EVL: variants seen among roughly 807,000 people sequenced by gnomAD.
EVL encodes Enah/Vasp-like, also known as ena/VASP-like protein.
In EVL, 21 loss-of-function variants were observed where a neutral mutation model predicts 59.6. The observed-to-expected ratio is 0.35, with a 90% CI of 0.25 to 0.51. EVL has a LOEUF of 0.51. Ranked by LOEUF, EVL falls within the 20% of genes least tolerant of loss-of-function variation. The pLI is 0.97. For synonymous variants in EVL, 198 were observed against 203.5 expected, an observed-to-expected ratio of 0.97 and a Z score of 0.23; for missense variants, 462 against 546.6, an observed-to-expected ratio of 0.85 and a Z score of 1.54.
chr14:100,014,419 A>G (rs1021764780), intron 1 of EVL, among the ~76,000 whole-genome samples: 8 of 152,242 alleles, frequency 5.3e-5, no homozygotes, highest in African/African-American at 1.7e-4. Context: ...TTCACTTAAC[A>G]TAATGACCTC....
intron 3 of EVL, among the ~76,000 whole-genome samples, chr14:100,102,670 G>C (rs1886296113): frequency 6.6e-6 from 1 of 152,168 alleles, no homozygotes; most frequent in South Asian, 2.1e-4. Flanking sequence ...CAGAGGGAGG[G>C]TTGGCGTTTT....
chr14:100,098,189 G>C (rs1885950769), intron 3 of EVL, among the ~76,000 whole-genome samples: 1 of 152,178 alleles, frequency 6.6e-6, no homozygotes, highest in Non-Finnish European at 1.5e-5. Context: ...TTAAATAAAG[G>C]TACGTGCAAG....
chr14:100,080,720 T>G (rs1298896638), intron 1 of EVL, among the ~76,000 whole-genome samples: 1 of 152,120 alleles, frequency 6.6e-6, no homozygotes, highest in African/African-American at 2.4e-5. Context: ...TACCTACAGC[T>G]CAGAGATGCC....
intron 1 of EVL, among the ~76,000 whole-genome samples, chr14:99,983,443 A>G (rs965136723): frequency 1.3e-5 from 2 of 152,134 alleles, no homozygotes; most frequent in African/African-American, 2.4e-5. Flanking sequence ...GAGACATGCC[A>G]TTTTATAGCT....
intron 13 of EVL, among the ~76,000 whole-genome samples, chr14:100,142,428 G>A (rs1052917028): frequency 6.6e-6 from 1 of 152,232 alleles, no homozygotes; most frequent in African/African-American, 2.4e-5. Flanking sequence ...CAGAGGAAAA[G>A]GGGGAGTGGG....
Position 100,083,521 on chromosome 14 carries a change from G to A in EVL, c.12-1166G>A, listed in dbSNP as rs544235215. 2.6e-5 allele frequency among the ~76,000 whole-genome samples: 4 copies of A among 152,226 alleles called. No homozygotes were observed. In the South Asian group the frequency reaches 8.3e-4, roughly 32 times the overall value. On this transcript the variant is annotated intron_variant, in intron 1 of 13. Coordinates refer to ENST00000392920, the MANE Select transcript of EVL (RefSeq NM_016337.3). ...CTAATATGCTAGAGAAGATGTTAAAGATTATTAGGTTTATGAAGAGCCAGT... is the reference window on the plus strand; with the variant it reads ...CTAATATGCTAGAGAAGATGTTAAAAATTATTAGGTTTATGAAGAGCCAGT...
intron 2 of EVL, among the ~76,000 whole-genome samples, chr14:100,094,928 C>T (rs1040193904): frequency 1.3e-5 from 2 of 151,708 alleles, no homozygotes; most frequent in Non-Finnish European, 2.9e-5. Flanking sequence ...ATAGTTCCAG[C>T]TACTCTGGAG....
chr14:99,982,077 G>T (rs2140171193), intron 1 of EVL, among the ~76,000 whole-genome samples: 1 of 152,248 alleles, frequency 6.6e-6, no homozygotes, highest in South Asian at 2.1e-4. Flanking sequence ...TATGAAAACA[G>T]AATGGTATGA....
At chr14:100,091,402 T>C (rs1401360486) in intron 2 of EVL, among the ~76,000 whole-genome samples, 2 of 142,494 alleles carry the variant, frequency 1.4e-5, no homozygotes, top group Non-Finnish European at 3.0e-5. Context: ...CACTCTGTTA[T>C]TGTGAGATCA....
chr14:100,089,312 C>G (rs2062513867), intron 2 of EVL, among the ~76,000 whole-genome samples: 1 of 152,120 alleles, frequency 6.6e-6, no homozygotes, highest in Non-Finnish European at 1.5e-5. Flanking sequence ...AAACTATAGC[C>G]AACAACTGTA....
At chr14:99,992,754 ATTGCCTTATTTC>A (rs1376114842) in intron 1 of EVL, among the ~76,000 whole-genome samples, 1 of 152,124 alleles carries the variant, frequency 6.6e-6, no homozygotes, top group Non-Finnish European at 1.5e-5. Flanking sequence ...AATGGACATC[ATTGCCTTATTTC>A]TTCTGATCTT....
At chr14:100,105,255 A>T (rs1886490540) in intron 3 of EVL, among the ~76,000 whole-genome samples, 1 of 152,146 alleles carries the variant, frequency 6.6e-6, no homozygotes. Flanking sequence ...GAACAAGTAC[A>T]GAGGCGACAC....
Position 100,126,719 on chromosome 14 carries a change from G to A in EVL, c.435G>A (p.Glu145=), listed in dbSNP as rs1888095338. The change falls in exon 5 of 14, where the codon GAG becomes GAA. Residue 145 remains glutamate (E), a synonymous_variant. Coordinates refer to ENST00000392920, the MANE Select transcript of EVL (RefSeq NM_016337.3). The part of the protein sequence containing the change: ...EMDIQRRQVM[E]QHQQQRQESL... Reference sequence around the variant, plus strand: ...GATTACTTTCCAGACAAGTGATGGAGCAGCACCAGCAGCAGCGTCAGGAAT... The same window carrying A: ...GATTACTTTCCAGACAAGTGATGGAACAGCACCAGCAGCAGCGTCAGGAAT... The A allele has an allele frequency of 6.2e-7, 1 of 1,614,026 alleles. No individual in the cohort carries two copies. Among genetic ancestry groups the A allele is most frequent in the South Asian group, 1.1e-5 (1 of 91,086 alleles).
In EVL at chr14:100,125,211, A is replaced by T. The variant is rs1203929864; in HGVS notation, c.423-1496A>T. Among the ~76,000 whole-genome samples, 4 of 118,754 alleles carry T rather than the reference A, an allele frequency of 3.4e-5. 1 individual carries two copies. The highest frequency in any genetic ancestry group is 1.5e-4 in the African/African-American group (4 of 27,336). 77.9% of individuals were successfully genotyped at this position (118,754 alleles called of 152,430 possible). A position where few individuals can be genotyped will look rare whatever the true frequency, so the allele number is the denominator to read the frequency against. ...ACACACACACCTGCCCCAAGACGGG[A>T]TCACACACACAGACACACACACACC... On this transcript the variant is annotated intron_variant, in intron 4 of 13. Coordinates refer to ENST00000392920, the MANE Select transcript of EVL (RefSeq NM_016337.3).
At chr14:99,979,438 C>A (rs375234750) in intron 1 of EVL, among the ~76,000 whole-genome samples, 64 of 151,940 alleles carry the variant, frequency 4.2e-4, no homozygotes, top group African/African-American at 1.4e-3. Flanking sequence ...ATATTTCTGA[C>A]ATTTAAGTTA....
intron 1 of EVL, among the ~76,000 whole-genome samples, chr14:100,003,571 C>A (rs2060959460): frequency 6.6e-6 from 1 of 152,014 alleles, no homozygotes; most frequent in African/African-American, 2.4e-5. Context: ...CATGTGCCAC[C>A]ATTCCCGGCT....
chr14:100,022,278 G>GTTTTTT (rs60834825), intron 1 of EVL, among the ~76,000 whole-genome samples: 1 of 129,182 alleles, frequency 7.7e-6, no homozygotes, highest in South Asian at 2.5e-4. Context: ...TTCTTGGTTT[G>GTTTTTT]TTTTTTTTTT....
chr14:99,989,189 C>CTT (rs1329532645), intron 1 of EVL, among the ~76,000 whole-genome samples: 1 of 152,158 alleles, frequency 6.6e-6, no homozygotes, highest in Admixed American at 6.5e-5. Context: ...GAGAGACACA[C>CTT]TTTGTGATCC....
intron 11 of EVL, chr14:100,140,107 A>G (rs1889070123): frequency 6.6e-6 from 1 of 151,068 alleles, no homozygotes; most frequent in Non-Finnish European, 1.5e-5. Context: ...TTAAAAAAGA[A>G]AAAAAAAAGG....
Sources: gnomAD v4.1 joint callset for allele counts (sites outside exome capture counted in the v4.1 genomes callset) on GRCh38, gnomAD v4.1.1 for gene constraint, MANE v1.5 for transcripts, NCBI Gene and HGNC (gene_info 2026-07-23, HGNC 2026-07-21) for gene names.